The following AFAP1 variants were observed in gnomAD, a reference collection of about 807,000 sequenced individuals.
AFAP1 encodes actin filament associated protein 1.
In AFAP1, 75 loss-of-function variants were observed where a neutral mutation model predicts 93.9. The ratio of observed to expected loss-of-function variants is 0.80; its 90% confidence interval spans 0.66 to 0.97. The LOEUF is 0.97. Ranked by LOEUF, AFAP1 falls within the 50% of genes least tolerant of loss-of-function variation. AFAP1 has a pLI of 0.00. For synonymous variants in AFAP1, 517 were observed against 430.7 expected, an observed-to-expected ratio of 1.20 and a Z score of -2.48; for missense variants, 1,201 against 1,050.8, an observed-to-expected ratio of 1.14 and a Z score of -1.98.
intron 13 of AFAP1, among the ~76,000 whole-genome samples, chr4:7,780,392 ATTTTC>A (rs1252731464): frequency 2.6e-5 from 4 of 152,244 alleles, no homozygotes; most frequent in African/African-American, 9.6e-5. Context: ...TTATCTGGTT[ATTTTC>A]TTAAGATTAT....
chr4:7,838,161 C>A (rs1221284766), intron 6 of AFAP1, among the ~76,000 whole-genome samples: 2 of 152,054 alleles, frequency 1.3e-5, no homozygotes, highest in African/African-American at 4.8e-5. Flanking sequence ...AAAAAATTTT[C>A]CCAAACTTAG....
Position 7,805,945 on chromosome 4 carries a change from G to A in AFAP1, c.1054+3669C>T, listed in dbSNP as rs145869548. Among the ~76,000 whole-genome samples, 163 of 152,242 alleles carry A rather than the reference G, an allele frequency of 1.1e-3. 1 individual carries two copies. The East Asian group carries it at 0.029, about 27-fold the overall frequency. On this transcript the variant is annotated intron_variant, in intron 9 of 17. Coordinates refer to ENST00000420658, the MANE Select transcript of AFAP1 (RefSeq NM_001134647.2). Reference sequence around the variant, plus strand: ...TGGGGAGGGGGAAGCAGAGTAGAATGAGGTGAGCCAGTCAAAAGGTGCCAC... The same window carrying A: ...TGGGGAGGGGGAAGCAGAGTAGAATAAGGTGAGCCAGTCAAAAGGTGCCAC...
intron 14 of AFAP1, 28 bp downstream of exon 14, chr4:7,778,734 A>G: frequency 3.1e-6 from 5 of 1,603,578 alleles, no homozygotes; most frequent in Non-Finnish European, 3.4e-6. Flanking sequence ...TTGAAGCCGG[A>G]ATGCAAGACA....
Position 7,939,797 on chromosome 4 carries a change from C to T in AFAP1, c.-144G>A, listed in dbSNP as rs773180127. 2.9e-6 allele frequency: 1 copy of T among 345,092 alleles called. No individual in the cohort carries two copies. The highest frequency in any genetic ancestry group is 2.1e-5 in the South Asian group (1 of 48,270). 21.4% of individuals were successfully genotyped at this position (345,092 alleles called of 1,614,324 possible). ...CGCCGCCGCCGCCTCAGCCCGTGTA[C>T]CCCGCTCGAGATCCGGCTCGGCTCG... On this transcript the variant is annotated 5_prime_UTR_variant, in exon 1 of 18. Transcript: ENST00000420658. The surrounding 1 kb of genome is among the most constrained non-coding windows in gnomAD (Gnocchi z 5.6).
chr4:7,862,562 C>T (rs955855366), intron 3 of AFAP1, among the ~76,000 whole-genome samples: 3 of 151,966 alleles, frequency 2.0e-5, no homozygotes, highest in African/African-American at 4.8e-5. Context: ...TGTATTGAAC[C>T]GTACACTAAA....
chr4:7,878,513 C>A (rs1717654945), intron 1 of AFAP1, among the ~76,000 whole-genome samples: 1 of 152,244 alleles, frequency 6.6e-6, no homozygotes, highest in Non-Finnish European at 1.5e-5. Context: ...TCAAGAACAA[C>A]AGGTGCCCTT....
intron 13 of AFAP1, among the ~76,000 whole-genome samples, chr4:7,780,471 C>T (rs1012980596): frequency 2.0e-5 from 3 of 152,178 alleles, no homozygotes; most frequent in African/African-American, 7.2e-5. Context: ...CATATTCTTA[C>T]ATATGGGCTT....
intron 9 of AFAP1, among the ~76,000 whole-genome samples, chr4:7,802,515 CCCCT>C (rs2149035133): frequency 6.6e-6 from 1 of 152,298 alleles, no homozygotes; most frequent in African/African-American, 2.4e-5. Flanking sequence ...AAGACCTGAA[CCCCT>C]GTTGGGAGTT....
intron 1 of AFAP1, among the ~76,000 whole-genome samples, chr4:7,936,319 T>C (rs1158996275): frequency 6.6e-6 from 1 of 152,168 alleles, no homozygotes; most frequent in Non-Finnish European, 1.5e-5. Context: ...ATTTTTAAAC[T>C]ATTTATTTAC....
At chr4:7,844,559 A>G (rs1274434861) in intron 4 of AFAP1, among the ~76,000 whole-genome samples, 1 of 151,936 alleles carries the variant, frequency 6.6e-6, no homozygotes, top group Non-Finnish European at 1.5e-5. Flanking sequence ...ACTGGCCCCC[A>G]CTGCAGGCTG....
At chr4:7,861,637 T>A (rs766337728) in intron 3 of AFAP1, among the ~76,000 whole-genome samples, 98 of 152,142 alleles carry the variant, frequency 6.4e-4, no homozygotes, top group Non-Finnish European at 1.1e-3. Context: ...CCCTTTTCCA[T>A]CAGCAGGCAG....
At chr4:7,770,618 C>G (rs1233772658) in intron 16 of AFAP1, among the ~76,000 whole-genome samples, 1 of 152,096 alleles carries the variant, frequency 6.6e-6, no homozygotes, top group Non-Finnish European at 1.5e-5. Flanking sequence ...CTAGAGAATC[C>G]TTAAATGCTT....
At chr4:7,885,883 G>A (rs567408229) in intron 1 of AFAP1, among the ~76,000 whole-genome samples, 24 of 152,162 alleles carry the variant, frequency 1.6e-4, no homozygotes, top group Non-Finnish European at 3.1e-4. Flanking sequence ...GAGAATACTC[G>A]GTGTTCCAAA....
intron 2 of AFAP1, among the ~76,000 whole-genome samples, chr4:7,868,997 GAGAA>G (rs1716754167): frequency 8.6e-6 from 1 of 116,168 alleles, no homozygotes; most frequent in Middle Eastern, 4.6e-3. Flanking sequence ...GAAAAGAAAA[GAGAA>G]AGAGAAAGGG....
chr4:7,808,330 C>G (rs1046186602), intron 9 of AFAP1, among the ~76,000 whole-genome samples: 12 of 152,162 alleles, frequency 7.9e-5, no homozygotes, highest in African/African-American at 2.7e-4. Context: ...ATCCCCCCGG[C>G]CCACTGAGGT....
Position 7,781,641 on chromosome 4 carries a change from A to G in AFAP1, c.1531-14T>C, listed in dbSNP as rs1338298344. 1.3e-6 allele frequency: 2 copies of G among 1,550,532 alleles called. No individual in the cohort carries two copies. The highest frequency in any genetic ancestry group is 4.9e-5 in the East Asian group (2 of 40,872). On this transcript the variant is annotated splice_polypyrimidine_tract_variant and intron_variant, in intron 12 of 17. Transcript: ENST00000420658. The stretch of plus-strand genomic sequence containing the variant: ...TTCCGGTTCCCACTGCAACACACAT[A>G]GCTTTGTGGTTAGTGACTTGGACAC...
intron 17 of AFAP1, 152 bp from the exon 18 acceptor site, chr4:7,763,943 C>T: frequency 1.4e-6 from 1 of 725,298 alleles, no homozygotes; most frequent in Non-Finnish European, 2.4e-6. Flanking sequence ...GGCAATTCCA[C>T]TGCTAGGTAT....
intron 3 of AFAP1, among the ~76,000 whole-genome samples, chr4:7,858,923 C>T (rs1448206626): frequency 6.6e-6 from 1 of 152,214 alleles, no homozygotes; most frequent in African/African-American, 2.4e-5. Flanking sequence ...CATGTCCTCC[C>T]AAAGGATAAA....
chr4:7,820,131 CAGA>C (rs1326572765), intron 6 of AFAP1, among the ~76,000 whole-genome samples: 2 of 152,152 alleles, frequency 1.3e-5, no homozygotes, highest in South Asian at 2.1e-4. Context: ...CCACTGAAGA[CAGA>C]AGGACAGACA....
Sources: gnomAD v4.1 joint callset for allele counts (sites outside exome capture counted in the v4.1 genomes callset) on GRCh38, gnomAD v4.1.1 for gene constraint, Gnocchi (gnomAD v3.1) non-coding constraint, MANE v1.5 for transcripts, NCBI Gene and HGNC (gene_info 2026-07-23, HGNC 2026-07-21) for gene names.